ARHGAP26: variants seen among roughly 807,000 people sequenced by gnomAD.
The protein encoded by ARHGAP26 is Rho GTPase activating protein 26.
Under a neutral mutation model 104.8 loss-of-function variants are expected in ARHGAP26, and 38 were observed. That is an observed-to-expected ratio of 0.36 (90% CI 0.28 to 0.48). The LOEUF is 0.48. ARHGAP26 is among the 20% of genes least tolerant of loss of function. The pLI, the probability that ARHGAP26 is intolerant of heterozygous loss-of-function variation, is 0.99. For synonymous variants in ARHGAP26, 341 were observed against 340.0 expected (o/e 1.00, Z -0.03); for missense variants, 704 against 947.9 (o/e 0.74, Z 3.38).
At chr5:142,821,837 G>A (rs1291547658) in intron 1 of ARHGAP26, among the ~76,000 whole-genome samples, 6 of 152,140 alleles carry the variant, frequency 3.9e-5, no homozygotes. Context: ...AAGTGTAATA[G>A]TTCTCATCTT....
intron 13 of ARHGAP26, among the ~76,000 whole-genome samples, chr5:143,038,608 A>G (rs1323009530): frequency 1.3e-5 from 2 of 152,108 alleles, no homozygotes; most frequent in Admixed American, 1.3e-4. Flanking sequence ...GGGTTAAATC[A>G]ACAGTGGTAC....
At chr5:142,870,567 A>G (rs1014379572) in intron 1 of ARHGAP26, among the ~76,000 whole-genome samples, 3 of 152,214 alleles carry the variant, frequency 2.0e-5, no homozygotes, top group African/African-American at 4.8e-5. Flanking sequence ...ACAGTTATTC[A>G]TGCTTACCTT....
intron 11 of ARHGAP26, among the ~76,000 whole-genome samples, chr5:142,953,028 T>G (rs1346838435): frequency 6.6e-6 from 1 of 152,096 alleles, no homozygotes. Context: ...CTTTTTTGTG[T>G]TAAGATGATT....
At chr5:142,862,630 G>C (rs1753569572) in intron 1 of ARHGAP26, among the ~76,000 whole-genome samples, 2 of 152,304 alleles carry the variant, frequency 1.3e-5, no homozygotes, top group South Asian at 4.1e-4. Flanking sequence ...TCTGGGTTCT[G>C]TCTGGGTGCG....
At chr5:142,805,466 T>C (rs1762828545) in intron 1 of ARHGAP26, among the ~76,000 whole-genome samples, 1 of 152,240 alleles carries the variant, frequency 6.6e-6, no homozygotes, top group African/African-American at 2.4e-5. Context: ...TTGGCTATTA[T>C]GTATGTTGCT....
chr5:142,920,643 C>G (rs552830141), intron 10 of ARHGAP26, among the ~76,000 whole-genome samples: 1 of 152,284 alleles, frequency 6.6e-6, no homozygotes, highest in Non-Finnish European at 1.5e-5. Flanking sequence ...TGCCCCTTTC[C>G]CAGCATTGGT....
chr5:142,957,363 C>G (rs1464028342), intron 11 of ARHGAP26, among the ~76,000 whole-genome samples: 1 of 152,066 alleles, frequency 6.6e-6, no homozygotes, highest in African/African-American at 2.4e-5. Flanking sequence ...ATAAATCTTA[C>G]GTAAATATAA....
intron 17 of ARHGAP26, among the ~76,000 whole-genome samples, chr5:143,084,297 G>A (rs1790233394): frequency 6.6e-6 from 1 of 152,170 alleles, no homozygotes; most frequent in Non-Finnish European, 1.5e-5. Context: ...AAGAGAACAA[G>A]AACCAGACAG....
chr5:143,024,878 G>A (rs1399965103), intron 12 of ARHGAP26, among the ~76,000 whole-genome samples: 8 of 152,290 alleles, frequency 5.3e-5, no homozygotes, highest in African/African-American at 1.7e-4. Flanking sequence ...TCCACACGTG[G>A]TTTGAAATCC....
chr5:143,012,546 T>TACATACAC (rs1778923010), intron 11 of ARHGAP26, among the ~76,000 whole-genome samples: 1 of 58,478 alleles, frequency 1.7e-5, no homozygotes, highest in African/African-American at 4.9e-5. Flanking sequence ...TTTATATACA[T>TACATACAC]ACATACATAT....
intron 1 of ARHGAP26, among the ~76,000 whole-genome samples, chr5:142,798,660 A>G (rs538536575): frequency 6.6e-6 from 1 of 152,354 alleles, no homozygotes; most frequent in South Asian, 2.1e-4. Context: ...TAGCGAGAAG[A>G]GGAAGAGCAA....
At chr5:142,855,496 A>C (rs564190739) in intron 1 of ARHGAP26, among the ~76,000 whole-genome samples, 2 of 152,266 alleles carry the variant, frequency 1.3e-5, no homozygotes, top group African/African-American at 4.8e-5. Context: ...CCACCCTTCC[A>C]TCTGCCCATC....
intron 17 of ARHGAP26, among the ~76,000 whole-genome samples, chr5:143,099,917 G>T (rs922930039): frequency 1.3e-5 from 2 of 152,176 alleles, no homozygotes; most frequent in African/African-American, 4.8e-5. Flanking sequence ...AGAAGGTACA[G>T]AAATTTTTAA....
At chr5:142,864,043 C>A (rs776706855) in intron 1 of ARHGAP26, among the ~76,000 whole-genome samples, 1 of 152,066 alleles carries the variant, frequency 6.6e-6, no homozygotes, top group Non-Finnish European at 1.5e-5. Context: ...CCCACCAGCC[C>A]CTACCGGTTT....
At chr5:142,932,204 C>T in intron 11 of ARHGAP26, 79 bp downstream of exon 11, 1 of 1,360,676 alleles carries the variant, frequency 7.3e-7, no homozygotes, top group Non-Finnish European at 1.1e-6. Context: ...GTGATTTTTG[C>T]TGCTGTTCTA....
At chr5:142,981,403 C>T (rs1773920123) in intron 11 of ARHGAP26, among the ~76,000 whole-genome samples, 1 of 152,186 alleles carries the variant, frequency 6.6e-6, no homozygotes, top group South Asian at 2.1e-4. Flanking sequence ...TAACAACACA[C>T]AAACACAAAA....
rs1683406887 is a variant in ARHGAP26 at position 143,227,636 on chromosome 5, C to T, written c.*5190C>T. The T allele has an allele frequency of 4.4e-6, 1 of 229,360 alleles. No homozygotes were observed. The highest frequency in any genetic ancestry group is 8.6e-6 in the Non-Finnish European group (1 of 115,670). 14.2% of individuals were successfully genotyped at this position (229,360 alleles called of 1,614,324 possible). Reference sequence around the variant, plus strand: ...CCTGCCGCCTACAGTACCTGTCTAACTAAAGAGCTTCCCAAAGTGGAGGGA... The same window carrying T: ...CCTGCCGCCTACAGTACCTGTCTAATTAAAGAGCTTCCCAAAGTGGAGGGA... On this transcript the variant is annotated 3_prime_UTR_variant, in exon 23 of 23. Transcript: ENST00000645722.
At chr5:142,920,895 A>G (rs1413469234) in intron 10 of ARHGAP26, among the ~76,000 whole-genome samples, 1 of 152,222 alleles carries the variant, frequency 6.6e-6, no homozygotes, top group Non-Finnish European at 1.5e-5. Context: ...TTACCCTTCC[A>G]TTCTTACAGG....
intron 1 of ARHGAP26, among the ~76,000 whole-genome samples, chr5:142,789,838 A>G (rs1210867434): frequency 6.6e-6 from 1 of 151,638 alleles, no homozygotes; most frequent in Non-Finnish European, 1.5e-5. Context: ...GGACAAGGGA[A>G]CCCTTCTTTC....
Sources: gnomAD v4.1 joint callset for allele counts (sites outside exome capture counted in the v4.1 genomes callset) on GRCh38, gnomAD v4.1.1 for gene constraint, MANE v1.5 for transcripts, NCBI Gene and HGNC (gene_info 2026-07-23, HGNC 2026-07-21) for gene names.